ITGAV: variants seen among roughly 807,000 people sequenced by gnomAD.
ITGAV encodes integrin subunit alpha V.
Under a neutral mutation model 143.8 loss-of-function variants are expected in ITGAV, and 76 were observed. The ratio of observed to expected loss-of-function variants is 0.53; its 90% CI spans 0.44 to 0.64. The LOEUF (loss-of-function observed/expected upper bound fraction) is 0.64. Among genes scored for constraint, ITGAV ranks in the 30% least tolerant of loss-of-function variants. The pLI is 0.00. For missense variants in ITGAV, 1,193 were observed against 1,274.7 expected (o/e 0.94, Z 0.98); for synonymous variants, 453 against 446.7 (o/e 1.01, Z -0.18).
chr2:186,602,833 C>T (rs563319034), intron 2 of ITGAV, among the ~76,000 whole-genome samples: 12 of 147,468 alleles, frequency 8.1e-5, no homozygotes, highest in East Asian at 4.0e-4. Context: ...GCTGAGATTG[C>T]GCCACTGCAC....
intron 25 of ITGAV, among the ~76,000 whole-genome samples, 195 bp downstream of exon 25, chr2:186,669,115 A>G (rs927861882): frequency 6.6e-6 from 1 of 152,232 alleles, no homozygotes; most frequent in South Asian, 2.1e-4. Context: ...TGTGATGTCT[A>G]GTGAACCACA....
Position 186,680,843 on chromosome 2 carries a change from CTGCTTG to C in ITGAV, c.*3552_*3557del, listed in dbSNP as rs1441870570. ...AGTTAGTGAAAACTGGTACAGTGTT[CTGCTTG>C]ATTTACAACATGTAACTTGTGACTG... is the stretch of plus-strand genomic sequence containing the variant. On this transcript the variant is annotated 3_prime_UTR_variant, in exon 30 of 30. Transcript: ENST00000261023. The C allele has an allele frequency of 6.6e-6, 1 of 152,598 alleles. No homozygotes were observed. Among genetic ancestry groups the C allele is most frequent in the African/African-American group, 2.4e-5 (1 of 41,450 alleles). 9.5% of individuals were successfully genotyped at this position (152,598 alleles called of 1,614,324 possible).
intron 26 of ITGAV, among the ~76,000 whole-genome samples, chr2:186,675,116 G>A (rs568965473): frequency 7.2e-5 from 11 of 152,264 alleles, no homozygotes; most frequent in East Asian, 1.9e-4. Flanking sequence ...TGCCAACCTC[G>A]AAGTTACTGA....
chr2:186,651,398 G>A (rs1454843600), intron 14 of ITGAV, among the ~76,000 whole-genome samples: 1 of 152,088 alleles, frequency 6.6e-6, no homozygotes, highest in Non-Finnish European at 1.5e-5. Context: ...TAAAATTGCT[G>A]TTAATTGTAT....
At position 186,656,260 on chromosome 2, in the gene ITGAV, A is replaced by T; in HGVS notation, c.1578A>T (p.Glu526Asp). The T allele has an allele frequency of 1.3e-6, 2 of 1,580,950 alleles. No homozygotes were observed. The highest frequency in any genetic ancestry group is 1.7e-6 in the Non-Finnish European group (2 of 1,168,510). The change falls in exon 17 of 30, where the codon GAA (glutamate) becomes GAT (aspartate). Residue 526 changes from glutamate (E) to aspartate (D), a missense_variant. Glu to Asp is a conservative substitution (Grantham distance 45). Transcript: ENST00000261023. ...VLPRKLNFQV[E>D]LLLDKLKQKG... Reference sequence around the variant, plus strand: ...TGGTTTACATAGATTTCCAGGTGGAACTTCTTTTGGATAAACTCAAGCAAA... The same window carrying T: ...TGGTTTACATAGATTTCCAGGTGGATCTTCTTTTGGATAAACTCAAGCAAA...
chr2:186,668,678 A>G, intron 24 of ITGAV, 84 bp from the exon 25 acceptor site: 1 of 1,220,618 alleles, frequency 8.2e-7, no homozygotes, highest in East Asian at 2.3e-5. Flanking sequence ...TATTGCTAAC[A>G]TGATTTCTAA....
intron 2 of ITGAV, among the ~76,000 whole-genome samples, chr2:186,602,649 C>G (rs1247973653): frequency 2.0e-5 from 3 of 152,110 alleles, no homozygotes; most frequent in Non-Finnish European, 4.4e-5. Context: ...GAGGCTGAGG[C>G]AGGCAGATCA....
At chr2:186,602,708 C>T (rs1686945616) in intron 2 of ITGAV, among the ~76,000 whole-genome samples, 1 of 152,104 alleles carries the variant, frequency 6.6e-6, no homozygotes, top group Non-Finnish European at 1.5e-5. Flanking sequence ...GAAACCCCAT[C>T]TCTACTAAAA....
intron 3 of ITGAV, 92 bp from the exon 4 acceptor site, chr2:186,625,381 A>T (rs1574474585): frequency 2.7e-6 from 2 of 736,778 alleles, no homozygotes; most frequent in Non-Finnish European, 2.3e-6. Flanking sequence ...CAAAAAAGAG[A>T]AAGTGGTATT....
At chr2:186,625,190 TAGTG>T (rs1376578264) in intron 3 of ITGAV, among the ~76,000 whole-genome samples, 1 of 151,850 alleles carries the variant, frequency 6.6e-6, no homozygotes, top group East Asian at 1.9e-4. Context: ...CTGGGAAACA[TAGTG>T]AGACCCCGTT....
chr2:186,593,037 G>T (rs1287899188), intron 1 of ITGAV, among the ~76,000 whole-genome samples: 2 of 152,064 alleles, frequency 1.3e-5, no homozygotes, highest in Non-Finnish European at 2.9e-5. Flanking sequence ...AATATTACCA[G>T]TTGGATTTAT....
At chr2:186,677,109 GTTC>G (rs1689235180) in intron 29 of ITGAV, 85 bp from the exon 30 acceptor site, 1 of 1,271,892 alleles carries the variant, frequency 7.9e-7, no homozygotes, top group Admixed American at 2.0e-5. Context: ...CAATTTAAAT[GTTC>G]TTAGTGGTAA....
chr2:186,600,604 G>A (rs1686874196), intron 1 of ITGAV, among the ~76,000 whole-genome samples: 1 of 152,108 alleles, frequency 6.6e-6, no homozygotes, highest in South Asian at 2.1e-4. Context: ...ACTTGTAATA[G>A]TAATTTATTT....
At chr2:186,596,102 T>C (rs1686742710) in intron 1 of ITGAV, among the ~76,000 whole-genome samples, 1 of 152,228 alleles carries the variant, frequency 6.6e-6, no homozygotes, top group African/African-American at 2.4e-5. Context: ...TCCCATCATC[T>C]TGTATTTTCG....
chr2:186,652,548 A>C (rs959603631), intron 15 of ITGAV, among the ~76,000 whole-genome samples: 1 of 152,194 alleles, frequency 6.6e-6, no homozygotes, highest in South Asian at 2.1e-4. Context: ...TCCAAAAAGG[A>C]TATCTAAAGG....
chr2:186,641,455 G>A lies in ITGAV; in HGVS notation c.1026G>A (p.Val342=). ...DRGSDGKLQE[V]GQVSVSLQRA... Reference sequence around the variant, plus strand: ...GCTCTGATGGCAAACTCCAAGAGGTGGGGCAGGTCTCAGTGTCTCTACAGA... The same window carrying A: ...GCTCTGATGGCAAACTCCAAGAGGTAGGGCAGGTCTCAGTGTCTCTACAGA... The change falls in exon 12 of 30, where the codon GTG becomes GTA. Residue 342 remains valine (V), a synonymous_variant. Transcript: ENST00000261023. 2.5e-6 allele frequency: 4 copies of A among 1,614,118 alleles called. No individual in the cohort carries two copies. The highest frequency in any genetic ancestry group is 1.1e-5 in the South Asian group (1 of 91,076).
intron 12 of ITGAV, among the ~76,000 whole-genome samples, chr2:186,645,477 G>A (rs143540875): frequency 1.3e-5 from 2 of 152,102 alleles, no homozygotes; most frequent in Non-Finnish European, 2.9e-5. Flanking sequence ...TGGATGGCGT[G>A]GGGGTGGGGA....
At chr2:186,649,931 T>A in intron 14 of ITGAV, 46 bp downstream of exon 14, 1 of 1,265,570 alleles carries the variant, frequency 7.9e-7, no homozygotes. Context: ...TCTGAATTAT[T>A]TGAACGTTTT....
At chr2:186,648,934 G>GTA (rs1045131571) in intron 13 of ITGAV, among the ~76,000 whole-genome samples, 24 of 144,346 alleles carry the variant, frequency 1.7e-4, no homozygotes, top group Non-Finnish European at 3.2e-4. Flanking sequence ...ATATACATTT[G>GTA]TATATATATA....
Sources: gnomAD v4.1 joint callset for allele counts (sites outside exome capture counted in the v4.1 genomes callset) on GRCh38, gnomAD v4.1.1 for gene constraint, MANE v1.5 for transcripts, NCBI Gene and HGNC (gene_info 2026-07-23, HGNC 2026-07-21) for gene names.